Variants in CAPSL observed in about 807,000 individuals in gnomAD.
The protein encoded by CAPSL is calcyphosine like.
CAPSL carries 17 observed loss-of-function variants against 21.3 expected under a neutral mutation model. The ratio of observed to expected loss-of-function variants is 0.80; its 90% confidence interval spans 0.55 to 1.20. The LOEUF (loss-of-function observed/expected upper bound fraction) is 1.20, where lower values mean the gene tolerates loss of function less well. Ranked by LOEUF, CAPSL falls within the 50% of genes most tolerant of loss-of-function variation. The probability of loss-of-function intolerance (pLI) is 0.00; values close to 1 mark genes in which losing one functional copy is unlikely to be tolerated. For missense variants in CAPSL, 289 were observed against 259.3 expected, an observed-to-expected ratio of 1.11 and a Z score of -0.79; for synonymous variants, 102 against 89.3, an observed-to-expected ratio of 1.14 and a Z score of -0.80.
intron 2 of CAPSL, among the ~76,000 whole-genome samples, chr5:35,911,134 A>G (rs1223645493): frequency 6.6e-6 from 1 of 152,234 alleles, no homozygotes; most frequent in Non-Finnish European, 1.5e-5. Flanking sequence ...TAAATGATAG[A>G]GTAAATAAAG....
At position 35,930,522 on chromosome 5, in the gene CAPSL, G is replaced by A. The variant is rs150614388; in HGVS notation, c.-1+8019C>T. ...TAAAGAGGCACACAGTCTCAGAATC[G>A]TGCAAATGTCAACCATACACTTGCC... On this transcript the variant is annotated intron_variant, in intron 1 of 4. Coordinates refer to ENST00000651391, the MANE Select transcript of CAPSL (RefSeq NM_001042625.2). 1.8e-4 allele frequency among the ~76,000 whole-genome samples: 27 copies of A among 152,234 alleles called. 1 individual carries two copies. In the East Asian group the frequency reaches 3.3e-3, roughly 18 times the overall value.
chr5:35,913,619 T>C (rs1025177473), intron 2 of CAPSL, among the ~76,000 whole-genome samples: 1 of 152,006 alleles, frequency 6.6e-6, no homozygotes, highest in African/African-American at 2.4e-5. Context: ...GCTTCATAAG[T>C]GAAGGAGAAA....
chr5:35,917,234 G>A (rs1025892523), intron 2 of CAPSL, among the ~76,000 whole-genome samples: 17 of 152,192 alleles, frequency 1.1e-4, no homozygotes, highest in Non-Finnish European at 2.2e-4. Flanking sequence ...TGGAGAGAAT[G>A]TGGAGAAATA....
intron 1 of CAPSL, among the ~76,000 whole-genome samples, chr5:35,937,325 T>G (rs1020516247): frequency 7.9e-5 from 12 of 152,370 alleles, no homozygotes; most frequent in African/African-American, 2.2e-4. Context: ...ATTGAATTCA[T>G]GCATTGGCCT....
chr5:35,931,693 A>C (rs918317915), intron 1 of CAPSL, among the ~76,000 whole-genome samples: 12 of 152,244 alleles, frequency 7.9e-5, no homozygotes, highest in Non-Finnish European at 1.5e-4. Context: ...CAGAGTAAGA[A>C]GCTACCTAAA....
chr5:35,910,925 G>C (rs555512689), intron 2 of CAPSL, among the ~76,000 whole-genome samples: 12 of 152,284 alleles, frequency 7.9e-5, no homozygotes, highest in African/African-American at 2.9e-4. Flanking sequence ...TACAGAGCAA[G>C]GTGTAAACCT....
Position 35,909,937 on chromosome 5 carries a change from C to A in CAPSL, c.454G>T (p.Glu152Ter). The change falls in exon 4 of 5, where the codon GAA becomes TAA. Residue 152 changes from glutamate to a stop codon, truncating the protein, a stop_gained. Transcript: ENST00000651391. LOFTEE classifies it high-confidence loss of function. The stretch of plus-strand genomic sequence containing the variant: ...CTAAATACTTGTTCCTCACTCCATT[C>A]CCCATTCTGGTACTTTGGGTGGTGT... ...AKHHPKYQNGEWSEEQVFRKF... is the reference protein window; with the variant it reads ...AKHHPKYQNG The A allele has an allele frequency of 6.2e-7, 1 of 1,613,888 alleles. No individual in the cohort carries two copies. The highest frequency in any genetic ancestry group is 1.1e-5 in the South Asian group (1 of 90,994).
At chr5:35,915,492 C>T (rs960069208) in intron 2 of CAPSL, among the ~76,000 whole-genome samples, 2 of 152,194 alleles carry the variant, frequency 1.3e-5, no homozygotes, top group African/African-American at 4.8e-5. Context: ...TCCAGCAGTA[C>T]ATCAAGAAGC....
intron 1 of CAPSL, among the ~76,000 whole-genome samples, chr5:35,922,071 GAAAA>G (rs35010602): frequency 0.19 from 27,863 of 146,416 alleles, 3,508 homozygotes; most frequent in East Asian, 0.54. Flanking sequence ...GCAATGTGCA[GAAAA>G]AAAAAAAAAA....
chr5:35,933,009 C>A (rs1261439710), intron 1 of CAPSL, among the ~76,000 whole-genome samples: 1 of 152,180 alleles, frequency 6.6e-6, no homozygotes, highest in African/African-American at 2.4e-5. Flanking sequence ...TGGAAAACAA[C>A]CACATACGTG....
chr5:35,917,254 T>G (rs1738414863), intron 2 of CAPSL, among the ~76,000 whole-genome samples: 1 of 152,166 alleles, frequency 6.6e-6, no homozygotes, highest in South Asian at 2.1e-4. Context: ...AGGAACACTT[T>G]TACACTGTTG....
At chr5:35,930,727 T>G (rs1447069758) in intron 1 of CAPSL, among the ~76,000 whole-genome samples, 1 of 152,246 alleles carries the variant, frequency 6.6e-6, no homozygotes, top group Non-Finnish European at 1.5e-5. Flanking sequence ...GAAGTAGTTT[T>G]AACTTGATTA....
At chr5:35,913,119 T>G (rs1457706312) in intron 2 of CAPSL, among the ~76,000 whole-genome samples, 2 of 152,084 alleles carry the variant, frequency 1.3e-5, no homozygotes, top group African/African-American at 4.8e-5. Flanking sequence ...TGATGGAAGA[T>G]CAAATGAATG....
Position 35,919,170 on chromosome 5 carries a change from A to AAAAAATAT in CAPSL, c.137+1813_137+1814insATATTTTT, listed in dbSNP as rs754098152. Among the ~76,000 whole-genome samples the AAAAAATAT allele has an allele frequency of 3.3e-3, 401 of 121,254 alleles. 2 individuals carry two copies. The highest frequency in any genetic ancestry group is 0.017 in the East Asian group (78 of 4,560). 79.5% of individuals were successfully genotyped at this position (121,254 alleles called of 152,430 possible). ...AGTATCTTTCCTGATTAAAAAAAAA[A>AAAAAATAT]ATATATATATATATATATATAAAAA... is the stretch of plus-strand genomic sequence containing the variant. On this transcript the variant is annotated intron_variant, in intron 2 of 4. Transcript: ENST00000651391.
chr5:35,910,819 G>A (rs1359856565), intron 2 of CAPSL, among the ~76,000 whole-genome samples: 3 of 152,160 alleles, frequency 2.0e-5, no homozygotes, highest in African/African-American at 7.2e-5. Context: ...AGTTGAATTG[G>A]TGAAACATGG....
chr5:35,912,431 C>T (rs1193401251), intron 2 of CAPSL, among the ~76,000 whole-genome samples: 4 of 152,160 alleles, frequency 2.6e-5, no homozygotes, highest in South Asian at 2.1e-4. Flanking sequence ...GTCCCTGACC[C>T]CCGAGTAGCC....
At chr5:35,931,496 G>C (rs369403137) in intron 1 of CAPSL, among the ~76,000 whole-genome samples, 12 of 151,294 alleles carry the variant, frequency 7.9e-5, no homozygotes, top group African/African-American at 2.7e-4. Flanking sequence ...TAGGGTCCTT[G>C]TCATAATAAG....
Position 35,904,424 on chromosome 5 carries a change from T to TCTGCCTG in CAPSL, c.*120_*121insCAGGCAG. 1.3e-6 allele frequency: 1 copy of TCTGCCTG among 774,922 alleles called. No homozygotes were observed. Among genetic ancestry groups the TCTGCCTG allele is most frequent in the South Asian group, 1.8e-5 (1 of 55,566 alleles). 48.0% of individuals were successfully genotyped at this position (774,922 alleles called of 1,614,324 possible). ...TTTTTGGCCCCAGAAAATGCAATATTTTGACACAGAAAAAAACATTAGGAT... is the reference window on the plus strand; with the variant it reads ...TTTTTGGCCCCAGAAAATGCAATATTCTGCCTGTTGACACAGAAAAAAACATTAGGAT... On this transcript the variant is annotated 3_prime_UTR_variant, in exon 5 of 5. Transcript: ENST00000651391.
At chr5:35,923,728 T>G (rs852243) in intron 1 of CAPSL, among the ~76,000 whole-genome samples, 12 of 146,232 alleles carry the variant, frequency 8.2e-5, no homozygotes, top group East Asian at 2.1e-4. Context: ...AGCAAATTAA[T>G]GGTTGCAAGG....
Sources: gnomAD v4.1 joint callset for allele counts (sites outside exome capture counted in the v4.1 genomes callset) on GRCh38, gnomAD v4.1.1 for gene constraint, MANE v1.5 for transcripts, NCBI Gene and HGNC (gene_info 2026-07-23, HGNC 2026-07-21) for gene names.